Variants in CDH13 observed in about 807,000 individuals in gnomAD.
The protein encoded by CDH13 is cadherin 13.
CDH13 carries 24 observed loss-of-function variants against 63.8 expected under a neutral mutation model. The observed-to-expected ratio is 0.38, with a 90% CI of 0.27 to 0.53. CDH13 has a LOEUF of 0.53. Ranked by LOEUF, CDH13 falls within the 20% of genes least tolerant of loss-of-function variation. The pLI is 0.85. For missense variants in CDH13, 1,049 were observed against 903.1 expected (o/e 1.16, Z -2.07); for synonymous variants, 503 against 355.3 (o/e 1.42, Z -4.67).
intron 3 of CDH13, among the ~76,000 whole-genome samples, chr16:83,069,017 G>C (rs2032241166): frequency 6.6e-6 from 1 of 152,162 alleles, no homozygotes; most frequent in Non-Finnish European, 1.5e-5. Flanking sequence ...CAGTTGTCTG[G>C]ATATCCCAGA....
intron 4 of CDH13, among the ~76,000 whole-genome samples, chr16:83,171,882 A>T (rs2037935364): frequency 6.6e-6 from 1 of 152,148 alleles, no homozygotes; most frequent in Non-Finnish European, 1.5e-5. Flanking sequence ...TAATGCTATC[A>T]ACTTTCTCAA....
At chr16:83,400,815 C>G (rs1482670990) in intron 6 of CDH13, among the ~76,000 whole-genome samples, 2 of 152,144 alleles carry the variant, frequency 1.3e-5, no homozygotes, top group African/African-American at 4.8e-5. Flanking sequence ...TGGCACGTAC[C>G]TGGCCTTGAA....
chr16:83,408,011 T>C (rs1361116045), intron 6 of CDH13, among the ~76,000 whole-genome samples: 1 of 152,168 alleles, frequency 6.6e-6, no homozygotes, highest in Admixed American at 6.5e-5. Flanking sequence ...GTCACCACCC[T>C]GCTAGCATCT....
intron 1 of CDH13, among the ~76,000 whole-genome samples, chr16:82,813,164 T>C (rs574406416): frequency 1.3e-5 from 2 of 152,232 alleles, no homozygotes; most frequent in African/African-American, 2.4e-5. Flanking sequence ...CAGTTGATGT[T>C]TTTGGAGTAG....
chr16:83,722,770 T>TGGG (rs552777482), intron 10 of CDH13, among the ~76,000 whole-genome samples: 2 of 152,224 alleles, frequency 1.3e-5, no homozygotes, highest in Admixed American at 6.5e-5. Context: ...GAAACCAGGC[T>TGGG]GGGGGGGTGG....
At chr16:82,819,330 GGACA>G (rs1226946838) in intron 1 of CDH13, among the ~76,000 whole-genome samples, 1 of 152,116 alleles carries the variant, frequency 6.6e-6, no homozygotes, top group African/African-American at 2.4e-5. Context: ...CACCAGCCAG[GGACA>G]GTGACACAGA....
In CDH13 at chr16:82,964,950, C is replaced by G. The variant is rs143968279; in HGVS notation, c.158-67060C>G. On this transcript the variant is annotated intron_variant, in intron 2 of 13. Transcript: ENST00000567109. ...GCCAGAAGTCCTTCTTGATTATCCT[C>G]CAAGAATATCACCCCACTGGGAGCT... Among the ~76,000 whole-genome samples, 259 of 152,236 alleles carry G rather than the reference C, an allele frequency of 1.7e-3. 1 individual carries two copies. The highest frequency in any genetic ancestry group is 6.0e-3 in the African/African-American group (251 of 41,554).
intron 4 of CDH13, among the ~76,000 whole-genome samples, chr16:83,184,503 C>T (rs1395419980): frequency 6.6e-6 from 1 of 151,912 alleles, no homozygotes; most frequent in Non-Finnish European, 1.5e-5. Flanking sequence ...ACCTGTAATC[C>T]CAGCACTTTG....
In CDH13 at chr16:83,179,790, A is replaced by C. The variant is rs141607045; in HGVS notation, c.484-37555A>C. ...CCAGTGCTACATTGCCCCTAGATTTAGGATAAAATACAAATGACTTATATT... is the reference window on the plus strand; with the variant it reads ...CCAGTGCTACATTGCCCCTAGATTTCGGATAAAATACAAATGACTTATATT... On this transcript the variant is annotated intron_variant, in intron 4 of 13. Transcript: ENST00000567109. Among the ~76,000 whole-genome samples, 8 of 152,316 alleles carry C rather than the reference A, an allele frequency of 5.3e-5. No individual in the cohort carries two copies. The East Asian group carries it at 1.5e-3, about 29-fold the overall frequency.
At chr16:83,373,725 C>T (rs375109155) in intron 6 of CDH13, among the ~76,000 whole-genome samples, 42 of 152,268 alleles carry the variant, frequency 2.8e-4, no homozygotes, top group African/African-American at 9.1e-4. Flanking sequence ...TTTGAATCTC[C>T]GCTTTACCTT....
At chr16:82,975,937 A>G (rs1909441323) in intron 2 of CDH13, among the ~76,000 whole-genome samples, 1 of 152,092 alleles carries the variant, frequency 6.6e-6, no homozygotes, top group Admixed American at 6.6e-5. Context: ...GCTCTCCCCC[A>G]GCACTTTCCA....
chr16:83,260,604 G>C (rs984855870), intron 5 of CDH13, among the ~76,000 whole-genome samples: 1 of 152,132 alleles, frequency 6.6e-6, no homozygotes, highest in Non-Finnish European at 1.5e-5. Flanking sequence ...CTGCTCCCAG[G>C]TGATGCTGAT....
intron 5 of CDH13, among the ~76,000 whole-genome samples, chr16:83,221,333 C>G (rs865982856): frequency 6.6e-6 from 1 of 152,118 alleles, no homozygotes; most frequent in East Asian, 1.9e-4. Context: ...AGAAAAACTT[C>G]CCCAGCTTCT....
At chr16:83,629,193 C>T (rs1567466727) in intron 8 of CDH13, among the ~76,000 whole-genome samples, 1 of 152,176 alleles carries the variant, frequency 6.6e-6, no homozygotes, top group East Asian at 1.9e-4. Flanking sequence ...GCCAGTTAAG[C>T]ATATGTTTCA....
At chr16:83,407,534 G>A (rs548707228) in intron 6 of CDH13, among the ~76,000 whole-genome samples, 22 of 152,226 alleles carry the variant, frequency 1.4e-4, no homozygotes, top group African/African-American at 4.6e-4. Flanking sequence ...TCTAATCACT[G>A]GTTCTAATAC....
chr16:83,170,439 G>C (rs2037868826), intron 4 of CDH13, among the ~76,000 whole-genome samples: 1 of 152,082 alleles, frequency 6.6e-6, no homozygotes, highest in Admixed American at 6.6e-5. Flanking sequence ...CATAGGAGAA[G>C]CTTCCAGTTT....
chr16:83,149,581 C>T (rs908817732), intron 4 of CDH13, among the ~76,000 whole-genome samples: 1 of 152,094 alleles, frequency 6.6e-6, no homozygotes, highest in African/African-American at 2.4e-5. Flanking sequence ...TCTTTGTCTA[C>T]TGAAATTATT....
chr16:83,779,858 A>T, intron 11 of CDH13, 110 bp from the exon 12 acceptor site: 1 of 753,310 alleles, frequency 1.3e-6, no homozygotes, highest in Non-Finnish European at 2.1e-6. Context: ...ACCCTGTCTC[A>T]AAAAATAAAA....
At chr16:83,759,608 G>A (rs987502717) in intron 11 of CDH13, among the ~76,000 whole-genome samples, 7 of 152,080 alleles carry the variant, frequency 4.6e-5, no homozygotes, top group Non-Finnish European at 1.0e-4. Flanking sequence ...GTAACCTACA[G>A]AGTAGAAGAT....
Sources: allele counts gnomAD v4.1 joint callset (sites outside exome capture counted in the v4.1 genomes callset), GRCh38; gene constraint gnomAD v4.1.1; transcripts MANE v1.5; gene names NCBI Gene and HGNC (gene_info 2026-07-23, HGNC 2026-07-21).